PARD3B: variants seen among roughly 807,000 people sequenced by gnomAD.
PARD3B encodes the protein par-3 family cell polarity regulator beta, also known as partitioning defective 3 homolog B.
Under a neutral mutation model 130.2 loss-of-function variants are expected in PARD3B, and 103 were observed. The observed-to-expected ratio is 0.79, with a 90% CI of 0.67 to 0.93. PARD3B has a LOEUF of 0.93. PARD3B is among the 40% of genes least tolerant of loss of function. The pLI, the probability that PARD3B is intolerant of heterozygous loss-of-function variation, is 0.00. For synonymous variants in PARD3B, 583 were observed against 553.2 expected (o/e 1.05, Z -0.76); for missense variants, 1,609 against 1,499.2 (o/e 1.07, Z -1.21).
In PARD3B at chr2:205,616,166, G is replaced by C. The variant is rs1291562776; in HGVS notation, c.*353G>C. The C allele has an allele frequency of 1.3e-5, 3 of 224,654 alleles. No homozygotes were observed. Among genetic ancestry groups the C allele is most frequent in the Non-Finnish European group, 8.6e-6 (1 of 115,846 alleles). The allele number at this position is 224,654 out of a possible 1,614,324, so 13.9% of individuals were successfully genotyped here. A position where few individuals can be genotyped will look rare whatever the true frequency, so the allele number is the denominator to read the frequency against. ...CCTCTCTGGCTAGATAACCTGTGCTGATGTGCAGACACGTGGACATCCCCC... is the reference window on the plus strand; with the variant it reads ...CCTCTCTGGCTAGATAACCTGTGCTCATGTGCAGACACGTGGACATCCCCC... On this transcript the variant is annotated 3_prime_UTR_variant, in exon 23 of 23. Transcript: ENST00000406610.
chr2:205,430,819 C>A (rs765573731), intron 19 of PARD3B, among the ~76,000 whole-genome samples: 1 of 152,110 alleles, frequency 6.6e-6, no homozygotes, highest in African/African-American at 2.4e-5. Context: ...CCAAATGTAA[C>A]GTACAAGCAT....
intron 3 of PARD3B, among the ~76,000 whole-genome samples, chr2:204,976,188 T>C (rs1427581217): frequency 6.6e-6 from 1 of 152,198 alleles, no homozygotes; most frequent in Admixed American, 6.5e-5. Flanking sequence ...AAGTAGGCAA[T>C]GGAATGTTTC....
chr2:205,050,898 G>C (rs1699144360), intron 4 of PARD3B, among the ~76,000 whole-genome samples: 2 of 152,050 alleles, frequency 1.3e-5, no homozygotes, highest in Non-Finnish European at 2.9e-5. Context: ...AATTCGGTTT[G>C]CCTGGGGCAG....
chr2:205,074,185 C>G (rs1350254858), intron 4 of PARD3B, among the ~76,000 whole-genome samples: 2 of 152,148 alleles, frequency 1.3e-5, no homozygotes, highest in Non-Finnish European at 2.9e-5. Flanking sequence ...ATGCTTGATT[C>G]ATATAGCACT....
At chr2:205,257,867 T>C (rs891677231) in intron 16 of PARD3B, among the ~76,000 whole-genome samples, 1 of 152,168 alleles carries the variant, frequency 6.6e-6, no homozygotes, top group Admixed American at 6.5e-5. Context: ...AATCTTAGTT[T>C]GAGCAAAGAG....
chr2:204,587,559 G>A (rs879369758), intron 1 of PARD3B, among the ~76,000 whole-genome samples: 6 of 152,172 alleles, frequency 3.9e-5, no homozygotes, highest in African/African-American at 1.4e-4. Flanking sequence ...TGAAAGCAAA[G>A]AAAGCTACCT....
In PARD3B at chr2:205,091,317, C is replaced by T. The variant is rs1382459372; in HGVS notation, c.505-13109C>T. On this transcript the variant is annotated intron_variant, in intron 4 of 22. Coordinates refer to ENST00000406610, the MANE Select transcript of PARD3B (RefSeq NM_001302769.2). The surrounding 1 kb of genome is among the most constrained non-coding windows in gnomAD (Gnocchi z 4.2). ...GTAATAATTCATAATTTTGCCGTGG[C>T]ACAAACTGCATCATTTACACTGGGA... Among the ~76,000 whole-genome samples, 1 of 152,106 alleles carries T rather than the reference C, an allele frequency of 6.6e-6. No homozygotes were observed. The highest frequency in any genetic ancestry group is 2.4e-5 in the African/African-American group (1 of 41,416).
At chr2:205,290,204 T>C (rs1360184201) in intron 16 of PARD3B, among the ~76,000 whole-genome samples, 1 of 152,208 alleles carries the variant, frequency 6.6e-6, no homozygotes, top group Admixed American at 6.5e-5. Flanking sequence ...TTTGGGGACT[T>C]GTATTCCCCT....
At chr2:204,751,379 T>C (rs1476067146) in intron 2 of PARD3B, among the ~76,000 whole-genome samples, 1 of 152,054 alleles carries the variant, frequency 6.6e-6, no homozygotes, top group Non-Finnish European at 1.5e-5. Flanking sequence ...TAATGGAAGG[T>C]GTTGGATTCT....
chr2:204,980,149 G>GA (rs1476274941), intron 3 of PARD3B, among the ~76,000 whole-genome samples: 1 of 152,100 alleles, frequency 6.6e-6, no homozygotes, highest in Non-Finnish European at 1.5e-5. Flanking sequence ...CTGCTCAATA[G>GA]AAAAATAGGA....
rs912706221 is a variant in PARD3B, at chr2:204,943,003, G to A, written c.223-22149G>A. Among the ~76,000 whole-genome samples, 2 of 151,462 alleles carry A rather than the reference G, an allele frequency of 1.3e-5. No individual in the cohort carries two copies. Among genetic ancestry groups the A allele is most frequent in the African/African-American group, 4.9e-5 (2 of 40,954 alleles). On this transcript the variant is annotated intron_variant, in intron 2 of 22. Transcript: ENST00000406610. The surrounding 1 kb of genome is among the most constrained non-coding windows in gnomAD (Gnocchi z 4.2). ...GACACAAATTTACCTCCAGAACCAGGCTGCACATGTCCCCCTGAAAAATAA... is the reference window on the plus strand; with the variant it reads ...GACACAAATTTACCTCCAGAACCAGACTGCACATGTCCCCCTGAAAAATAA...
chr2:205,113,651 T>C (rs1703816221), intron 6 of PARD3B, 74 bp downstream of exon 6: 1 of 1,103,142 alleles, frequency 9.1e-7, no homozygotes, highest in Non-Finnish European at 1.3e-6. Flanking sequence ...CCAAATATTT[T>C]TCACAAGGAG....
chr2:205,576,180 G>C (rs925971066), intron 22 of PARD3B, among the ~76,000 whole-genome samples: 1 of 152,146 alleles, frequency 6.6e-6, no homozygotes, highest in Non-Finnish European at 1.5e-5. Context: ...CTTCTTTGAT[G>C]AGGTGTCTGT....
chr2:204,891,880 A>G (rs533136776), intron 2 of PARD3B, among the ~76,000 whole-genome samples: 1 of 152,312 alleles, frequency 6.6e-6, no homozygotes, highest in South Asian at 2.1e-4. Flanking sequence ...TTATGCATCC[A>G]TGCCTCTTTA....
intron 2 of PARD3B, among the ~76,000 whole-genome samples, chr2:204,839,899 G>A (rs532723175): frequency 1.1e-4 from 17 of 152,236 alleles, no homozygotes; most frequent in Non-Finnish European, 1.6e-4. Context: ...GGCTTTTAAT[G>A]TGTAAGAGAC....
chr2:204,738,423 A>G (rs190544694), intron 2 of PARD3B, among the ~76,000 whole-genome samples: 243 of 152,324 alleles, frequency 1.6e-3, no homozygotes, highest in Non-Finnish European at 2.6e-3. Flanking sequence ...TGTAAATCTA[A>G]CTTTCTAATG....
At chr2:204,951,995 G>A (rs563163699) in intron 2 of PARD3B, among the ~76,000 whole-genome samples, 5 of 152,176 alleles carry the variant, frequency 3.3e-5, no homozygotes, top group Non-Finnish European at 7.3e-5. Flanking sequence ...TTGATGACTG[G>A]ATAGTGGGGG....
At chr2:205,587,654 G>A (rs146213292) in intron 22 of PARD3B, among the ~76,000 whole-genome samples, 1 of 152,208 alleles carries the variant, frequency 6.6e-6, no homozygotes, top group East Asian at 1.9e-4. Context: ...CTCAGGTATT[G>A]GGCTATTTTA....
chr2:205,130,483 G>A (rs1169737730), intron 10 of PARD3B, among the ~76,000 whole-genome samples: 1 of 152,118 alleles, frequency 6.6e-6, no homozygotes, highest in Non-Finnish European at 1.5e-5. Context: ...ATTTCTTTAA[G>A]AGCTAGAGAG....
Sources: gnomAD v4.1 joint callset for allele counts (sites outside exome capture counted in the v4.1 genomes callset) on GRCh38, gnomAD v4.1.1 for gene constraint, Gnocchi (gnomAD v3.1) non-coding constraint, MANE v1.5 for transcripts, NCBI Gene and HGNC (gene_info 2026-07-23, HGNC 2026-07-21) for gene names.